The following AUTS2 variants were observed in gnomAD, a reference collection of about 807,000 sequenced individuals.
AUTS2 encodes autism susceptibility gene 2 protein.
A neutral mutation model predicts 112.4 loss-of-function variants in AUTS2; 17 were observed. The ratio of observed to expected loss-of-function variants is 0.15; its 90% confidence interval spans 0.10 to 0.23. The LOEUF (loss-of-function observed/expected upper bound fraction) is 0.23, where lower values mean the gene tolerates loss of function less well. Among genes scored for constraint, AUTS2 ranks in the 10% least tolerant of loss-of-function variants. AUTS2 has a pLI of 1.00. For missense variants in AUTS2, 1,510 were observed against 1,701.6 expected (o/e 0.89, Z 1.98); for synonymous variants, 751 against 702.7 (o/e 1.07, Z -1.09).
intron 4 of AUTS2, among the ~76,000 whole-genome samples, chr7:70,220,682 G>A (rs960139060): frequency 6.6e-6 from 1 of 152,166 alleles, no homozygotes; most frequent in Non-Finnish European, 1.5e-5. Context: ...TGAAGAAAAA[G>A]GCTGTGGACC....
chr7:70,600,511 A>G (rs1015333256), intron 5 of AUTS2, among the ~76,000 whole-genome samples: 2 of 152,168 alleles, frequency 1.3e-5, no homozygotes, highest in African/African-American at 4.8e-5. Context: ...CCTGACCTGA[A>G]GTGATCTGCC....
At chr7:69,686,731 A>C (rs1164932178) in intron 1 of AUTS2, among the ~76,000 whole-genome samples, 1 of 152,120 alleles carries the variant, frequency 6.6e-6, no homozygotes, top group South Asian at 2.1e-4. Context: ...TTTTCTATAG[A>C]ATATAGCTTT....
At chr7:69,909,768 A>G (rs770732526) in intron 2 of AUTS2, among the ~76,000 whole-genome samples, 20 of 152,172 alleles carry the variant, frequency 1.3e-4, no homozygotes, top group Non-Finnish European at 2.4e-4. Context: ...GGATTTAACA[A>G]TTGCCTGAGG....
chr7:70,401,876 A>C (rs1794340372), intron 4 of AUTS2, among the ~76,000 whole-genome samples: 1 of 152,224 alleles, frequency 6.6e-6, no homozygotes, highest in Non-Finnish European at 1.5e-5. Flanking sequence ...GCTGTATAGG[A>C]CCACACATTT....
intron 4 of AUTS2, among the ~76,000 whole-genome samples, chr7:70,205,640 A>C (rs756310464): frequency 6.6e-6 from 1 of 152,220 alleles, no homozygotes; most frequent in Non-Finnish European, 1.5e-5. Flanking sequence ...GGTGTATAGC[A>C]GACTGTACAA....
chr7:70,003,108 T>TA (rs1173137063), intron 2 of AUTS2, among the ~76,000 whole-genome samples: 1 of 145,466 alleles, frequency 6.9e-6, no homozygotes, highest in Non-Finnish European at 1.5e-5. Context: ...GTTCCAGACA[T>TA]ATTTTTGTTC....
In AUTS2 at chr7:70,288,326, C is replaced by T. The variant is rs567999793; in HGVS notation, c.661-147426C>T. The stretch of plus-strand genomic sequence containing the variant: ...CTGAGGCAGGAAAATGGCGTGAACC[C>T]GGGAGGCGGAGGTTGCAGTGAGCCC... On this transcript the variant is annotated intron_variant, in intron 4 of 18. Transcript: ENST00000342771. 2.4e-4 allele frequency among the ~76,000 whole-genome samples: 36 copies of T among 152,172 alleles called. No individual in the cohort carries two copies. In the South Asian group the frequency reaches 7.1e-3, roughly 30 times the overall value.
intron 4 of AUTS2, among the ~76,000 whole-genome samples, chr7:70,140,102 T>C (rs1292748358): frequency 2.6e-5 from 4 of 152,218 alleles, no homozygotes; most frequent in African/African-American, 9.6e-5. Context: ...AATATTTCTC[T>C]TTCAAAATTT....
chr7:70,259,242 T>C (rs1168840058), intron 4 of AUTS2, among the ~76,000 whole-genome samples: 1 of 152,100 alleles, frequency 6.6e-6, no homozygotes, highest in African/African-American at 2.4e-5. Context: ...CTGACAGGTA[T>C]GACCTCTGAG....
intron 5 of AUTS2, among the ~76,000 whole-genome samples, chr7:70,687,871 A>G (rs1367780597): frequency 6.6e-6 from 1 of 152,176 alleles, no homozygotes; most frequent in African/African-American, 2.4e-5. Context: ...CATAGTTTCA[A>G]ATGAATCAGC....
At chr7:70,311,902 G>T (rs1789772752) in intron 4 of AUTS2, among the ~76,000 whole-genome samples, 1 of 152,206 alleles carries the variant, frequency 6.6e-6, no homozygotes, top group African/African-American at 2.4e-5. Flanking sequence ...TTTTAGTAGA[G>T]ACGGGGTTTC....
At chr7:70,706,483 C>G (rs955989316) in intron 6 of AUTS2, among the ~76,000 whole-genome samples, 3 of 152,208 alleles carry the variant, frequency 2.0e-5, no homozygotes, top group Non-Finnish European at 2.9e-5. Flanking sequence ...AAAGCAAACC[C>G]TGCATGGGTA....
At chr7:69,727,258 A>G (rs988850993) in intron 1 of AUTS2, among the ~76,000 whole-genome samples, 2 of 152,070 alleles carry the variant, frequency 1.3e-5, no homozygotes, top group African/African-American at 4.8e-5. Context: ...GAAAGACCTT[A>G]CTTTCTCCAT....
chr7:69,752,749 T>G (rs1312144442), intron 1 of AUTS2, among the ~76,000 whole-genome samples: 1 of 152,174 alleles, frequency 6.6e-6, no homozygotes, highest in African/African-American at 2.4e-5. Context: ...TGGAAAAATA[T>G]GACTTTTAGG....
At chr7:70,544,320 T>G (rs1202690989) in intron 5 of AUTS2, among the ~76,000 whole-genome samples, 1 of 152,202 alleles carries the variant, frequency 6.6e-6, no homozygotes, top group Non-Finnish European at 1.5e-5. Context: ...TTTTTACATT[T>G]AAAAGTTAAT....
chr7:69,716,327 C>T (rs1487989376), intron 1 of AUTS2, among the ~76,000 whole-genome samples: 1 of 151,890 alleles, frequency 6.6e-6, no homozygotes, highest in East Asian at 1.9e-4. Context: ...CACCGCATTC[C>T]ACCCTACTAA....
At chr7:70,124,625 T>A (rs1805863797) in intron 3 of AUTS2, among the ~76,000 whole-genome samples, 1 of 152,064 alleles carries the variant, frequency 6.6e-6, no homozygotes, top group Non-Finnish European at 1.5e-5. Flanking sequence ...TGCAGTGGCA[T>A]GATCTTGGCT....
intron 4 of AUTS2, among the ~76,000 whole-genome samples, chr7:70,252,465 G>A (rs1786652967): frequency 6.6e-6 from 1 of 151,938 alleles, no homozygotes; most frequent in Non-Finnish European, 1.5e-5. Flanking sequence ...TATTGCTATT[G>A]AGTTATTTGA....
chr7:70,074,257 C>T (rs1367272615), intron 2 of AUTS2, among the ~76,000 whole-genome samples: 3 of 152,142 alleles, frequency 2.0e-5, no homozygotes, highest in South Asian at 4.1e-4. Flanking sequence ...TTACAAAAAC[C>T]GTTATGGCAT....
Sources: gnomAD v4.1 joint callset for allele counts (sites outside exome capture counted in the v4.1 genomes callset) on GRCh38, gnomAD v4.1.1 for gene constraint, MANE v1.5 for transcripts, NCBI Gene and HGNC (gene_info 2026-07-23, HGNC 2026-07-21) for gene names.